Variants in MCM9 observed in about 807,000 individuals in gnomAD.
MCM9 encodes the protein minichromosome maintenance 9 homologous recombination repair factor, also known as DNA helicase MCM9.
A neutral mutation model predicts 72.8 loss-of-function variants in MCM9; 55 were observed. That is an observed-to-expected ratio of 0.76 (90% CI 0.61 to 0.95). The LOEUF is 0.95. Ranked by LOEUF, MCM9 falls within the 40% of genes least tolerant of loss-of-function variation. The pLI, the probability that MCM9 is intolerant of heterozygous loss-of-function variation, is 0.00. For missense variants in MCM9, 1,279 were observed against 1,377.0 expected (o/e 0.93, Z 1.13); for synonymous variants, 480 against 503.4 (o/e 0.95, Z 0.62).
At chr6:118,851,571 G>A (rs1361507250) in intron 9 of MCM9, among the ~76,000 whole-genome samples, 2 of 151,826 alleles carry the variant, frequency 1.3e-5, no homozygotes, top group African/African-American at 4.9e-5. Flanking sequence ...ATAACTAGAG[G>A]AGAACAAAGA....
At chr6:118,863,959 T>A (rs1777059816) in intron 8 of MCM9, among the ~76,000 whole-genome samples, 1 of 150,892 alleles carries the variant, frequency 6.6e-6, no homozygotes, top group Non-Finnish European at 1.5e-5. Context: ...ACCTTAAACA[T>A]CAATGTTCTA....
chr6:118,913,626 G>A (rs1442157785), intron 6 of MCM9, among the ~76,000 whole-genome samples: 1 of 152,120 alleles, frequency 6.6e-6, no homozygotes, highest in Non-Finnish European at 1.5e-5. Flanking sequence ...TTGAGACAGG[G>A]TCTCACTCTG....
intron 8 of MCM9, among the ~76,000 whole-genome samples, chr6:118,898,482 T>G (rs1359437822): frequency 1.3e-5 from 2 of 150,964 alleles, no homozygotes; most frequent in Non-Finnish European, 2.9e-5. Flanking sequence ...TGGAGTGCAG[T>G]GGCGCGATCT....
intron 8 of MCM9, among the ~76,000 whole-genome samples, chr6:118,902,207 T>G (rs915410170): frequency 6.6e-6 from 1 of 152,190 alleles, no homozygotes; most frequent in South Asian, 2.1e-4. Flanking sequence ...GTTATAGATA[T>G]AGGTCAAATC....
At chr6:118,932,083 T>C (rs866243639) in intron 2 of MCM9, among the ~76,000 whole-genome samples, 5 of 152,230 alleles carry the variant, frequency 3.3e-5, no homozygotes, top group Middle Eastern at 3.2e-3. Context: ...ACTGCACTTA[T>C]AATAGTGGTC....
chr6:118,852,056 A>C (rs1262635940), intron 9 of MCM9, among the ~76,000 whole-genome samples: 1 of 152,192 alleles, frequency 6.6e-6, no homozygotes, highest in Non-Finnish European at 1.5e-5. Context: ...AGCCTACTAT[A>C]CACCTAGGCT....
At position 118,842,855 on chromosome 6, in the gene MCM9, C is replaced by T. The variant is rs957872154; in HGVS notation, c.1325+13516G>A. Among the ~76,000 whole-genome samples the T allele has an allele frequency of 2.0e-5, 3 of 152,082 alleles. No homozygotes were observed. In the South Asian group the frequency reaches 6.2e-4, roughly 32 times the overall value. Reference sequence around the variant, plus strand: ...AAAAAAACTCACGTTGCATCATTTGCTTCCTGGTTTCATCTTACTTCTATT... The same window carrying T: ...AAAAAAACTCACGTTGCATCATTTGTTTCCTGGTTTCATCTTACTTCTATT... On this transcript the variant is annotated intron_variant, in intron 9 of 13. Coordinates refer to ENST00000619706, the MANE Select transcript of MCM9 (RefSeq NM_017696.3).
rs544826055 is a variant in MCM9, at chr6:118,921,807, G to A, written c.703+198C>T. 2.9e-5 allele frequency: 13 copies of A among 446,374 alleles called. No homozygotes were observed. In the South Asian group the frequency reaches 5.3e-4, roughly 18 times the overall value. The allele number at this position is 446,374 out of a possible 1,614,324, so 27.7% of individuals were successfully genotyped here. A position where few individuals can be genotyped will look rare whatever the true frequency, so the allele number is the denominator to read the frequency against. On this transcript the variant is annotated intron_variant, in intron 5 of 13. Coordinates refer to ENST00000619706, the MANE Select transcript of MCM9 (RefSeq NM_017696.3). ...TCTTCATTCATAAAACAAGCACCTG[G>A]ACTAGCTGCTGTTGTATAGATCTAG...
At chr6:118,897,826 TAA>T (rs748981039) in intron 8 of MCM9, among the ~76,000 whole-genome samples, 1 of 145,364 alleles carries the variant, frequency 6.9e-6, no homozygotes. Flanking sequence ...AAAGCTGGGT[TAA>T]AAAAAAAAAC....
chr6:118,890,402 T>G (rs1403538366), intron 8 of MCM9, among the ~76,000 whole-genome samples: 1 of 152,206 alleles, frequency 6.6e-6, no homozygotes, highest in African/African-American at 2.4e-5. Context: ...CATTCCTGTT[T>G]GTGAGGCTCA....
At chr6:118,876,471 G>A (rs963539426) in intron 8 of MCM9, among the ~76,000 whole-genome samples, 1 of 152,194 alleles carries the variant, frequency 6.6e-6, no homozygotes, top group Non-Finnish European at 1.5e-5. Context: ...AAGGTTGTAT[G>A]CATGGCAGGG....
chr6:118,856,122 C>T (rs963775644), intron 9 of MCM9, among the ~76,000 whole-genome samples: 3 of 152,018 alleles, frequency 2.0e-5, no homozygotes, highest in Non-Finnish European at 4.4e-5. Flanking sequence ...TTCAAAAATC[C>T]CTTCCACTAG....
chr6:118,900,931 C>A, intron 8 of MCM9: 1 of 1,227,910 alleles, frequency 8.1e-7, no homozygotes, highest in Non-Finnish European at 1.2e-6. Flanking sequence ...TCGAAGTAGA[C>A]TATATTATCT....
At chr6:118,843,010 A>G (rs1055770146) in intron 9 of MCM9, among the ~76,000 whole-genome samples, 4 of 152,216 alleles carry the variant, frequency 2.6e-5, no homozygotes, top group African/African-American at 9.7e-5. Context: ...AAGAAGACCT[A>G]TATTTTGGTT....
intron 9 of MCM9, among the ~76,000 whole-genome samples, chr6:118,853,582 T>C (rs1010082262): frequency 2.0e-5 from 3 of 152,072 alleles, no homozygotes; most frequent in Non-Finnish European, 2.9e-5. Context: ...AGTGGAACAT[T>C]TGAGCCCAAG....
intron 8 of MCM9, among the ~76,000 whole-genome samples, chr6:118,864,481 A>G (rs1777094154): frequency 6.6e-6 from 1 of 152,102 alleles, no homozygotes; most frequent in Non-Finnish European, 1.5e-5. Flanking sequence ...CAAAAGCACC[A>G]AATAAACATC....
intron 8 of MCM9, among the ~76,000 whole-genome samples, chr6:118,889,392 C>G (rs930273176): frequency 6.6e-6 from 1 of 152,228 alleles, no homozygotes; most frequent in African/African-American, 2.4e-5. Context: ...ACTAGAAAAG[C>G]TGCTATGCTT....
chr6:118,826,279 AGCAGT>A lies in MCM9; in HGVS notation c.1824_1828del (p.Leu609ArgfsTer12). 1.9e-6 allele frequency: 3 copies of A among 1,550,066 alleles called. No homozygotes were observed. The highest frequency in any genetic ancestry group is 2.6e-6 in the Non-Finnish European group (3 of 1,146,746). ...AGTGTGGAGGGCATTCACACCTCCT[AGCAGT>A]GCACCTCCCTGAAGGGGTGAGAAAA... On this transcript the variant is annotated frameshift_variant, in exon 13 of 14. Transcript: ENST00000619706. LOFTEE classifies it high-confidence loss of function.
In MCM9 at chr6:118,849,697, TACAAA is replaced by T. The variant is rs918609907; in HGVS notation, c.1325+6669_1325+6673del. On this transcript the variant is annotated intron_variant, in intron 9 of 13. Transcript: ENST00000619706. ...TAAGCAACTCTTGGGAGAAAGGGGA[TACAAA>T]ACAAAACTGCAGAATTTCTAAAACA... is the stretch of plus-strand genomic sequence containing the variant. Among the ~76,000 whole-genome samples the T allele has an allele frequency of 2.7e-4, 41 of 151,760 alleles. 3 individuals carry two copies. Among genetic ancestry groups the T allele is most frequent in the African/African-American group, 9.7e-4 (40 of 41,078 alleles).
Sources: allele counts gnomAD v4.1 joint callset (sites outside exome capture counted in the v4.1 genomes callset), GRCh38; gene constraint gnomAD v4.1.1; transcripts MANE v1.5; gene names NCBI Gene and HGNC (gene_info 2026-07-23, HGNC 2026-07-21).